Variants in DIP2C observed in about 807,000 individuals in gnomAD.
DIP2C encodes disco-interacting protein 2 homolog C.
DIP2C carries 33 observed loss-of-function variants against 192.4 expected under a neutral mutation model. The ratio of observed to expected loss-of-function variants is 0.17; its 90% CI spans 0.13 to 0.23. The LOEUF (loss-of-function observed/expected upper bound fraction) is 0.23. Among genes scored for constraint, DIP2C ranks in the 10% least tolerant of loss-of-function variants. DIP2C has a pLI of 1.00. For missense variants in DIP2C, 1,537 were observed against 2,110.1 expected (o/e 0.73, Z 5.32); for synonymous variants, 979 against 864.1 (o/e 1.13, Z -2.33).
In DIP2C at chr10:545,166, C is replaced by CCTTTTTTTT. The variant is rs1554896881; in HGVS notation, c.86-58637_86-58636insAAAAAAAAG. ...TGATCCAACATGACTGGTGTTTTCC[C>CCTTTTTTTT]TTTTTTTTTTTTTTTTTTTTTTTGA... is the stretch of plus-strand genomic sequence containing the variant. On this transcript the variant is annotated intron_variant, in intron 1 of 36. Coordinates refer to ENST00000280886, the MANE Select transcript of DIP2C (RefSeq NM_014974.3). Among the ~76,000 whole-genome samples the CCTTTTTTTT allele has an allele frequency of 8.6e-3, 741 of 86,376 alleles. 39 individuals are homozygous for CCTTTTTTTT. The highest frequency in any genetic ancestry group is 0.037 in the African/African-American group (649 of 17,622). 56.7% of individuals were successfully genotyped at this position (86,376 alleles called of 152,430 possible).
At chr10:359,795 G>T (rs1481565429) in intron 22 of DIP2C, among the ~76,000 whole-genome samples, 1 of 152,124 alleles carries the variant, frequency 6.6e-6, no homozygotes, top group Non-Finnish European at 1.5e-5. Flanking sequence ...ATCTTTAACA[G>T]ATTTTTTTTG....
chr10:651,502 G>A lies in DIP2C; in HGVS notation c.85+37992C>T, dbSNP rs572228562. The A allele has an allele frequency of 5.3e-5, 30 of 562,352 alleles. No homozygotes were observed. Among genetic ancestry groups the A allele is most frequent in the Middle Eastern group, 2.7e-4 (1 of 3,658 alleles). The allele number at this position is 562,352 out of a possible 1,614,324, so 34.8% of individuals were successfully genotyped here. ...AACAATTACAATTATATGAAAATCC[G>A]TATCCACGTGAAGGTATTATGCAAA... On this transcript the variant is annotated intron_variant, in intron 1 of 36. Transcript: ENST00000280886. The surrounding 1 kb of genome is among the most constrained non-coding windows in gnomAD (Gnocchi z 4.1).
At chr10:475,246 C>T (rs11252630) in intron 2 of DIP2C, among the ~76,000 whole-genome samples, 64,915 of 152,116 alleles carry the variant, frequency 0.43, 14,940 homozygotes, top group East Asian at 0.65. Context: ...CATGGCTGTC[C>T]GCCGTGTCTG....
intron 1 of DIP2C, among the ~76,000 whole-genome samples, chr10:686,322 G>T (rs1490081033): frequency 6.8e-6 from 1 of 146,722 alleles, no homozygotes; most frequent in Non-Finnish European, 1.5e-5. Flanking sequence ...CCACCTGCGG[G>T]GCCTCTCCAC....
intron 1 of DIP2C, among the ~76,000 whole-genome samples, chr10:608,990 A>G (rs1030360443): frequency 3.3e-5 from 5 of 152,012 alleles, no homozygotes; most frequent in South Asian, 2.1e-4. Flanking sequence ...AAAAATCCTA[A>G]TATCTACACA....
intron 1 of DIP2C, among the ~76,000 whole-genome samples, chr10:533,634 TAACA>T (rs2130870743): frequency 7.4e-6 from 1 of 134,912 alleles, no homozygotes; most frequent in African/African-American, 3.1e-5. Flanking sequence ...ATGCTCTTCC[TAACA>T]GAGATACCTA....
intron 1 of DIP2C, among the ~76,000 whole-genome samples, chr10:570,623 CCAGT>C (rs912022423): frequency 9.2e-4 from 140 of 152,340 alleles, no homozygotes; most frequent in African/African-American, 3.0e-3. Context: ...ACCCGACCTG[CCAGT>C]CACACAGGTC....
chr10:655,861 TTTC>T (rs1856261044), intron 1 of DIP2C, among the ~76,000 whole-genome samples: 1 of 151,962 alleles, frequency 6.6e-6, no homozygotes, highest in Admixed American at 6.6e-5. Context: ...AATGTTACAG[TTTC>T]TTCTATTCTA....
chr10:286,992 C>T (rs1282235358), intron 33 of DIP2C, among the ~76,000 whole-genome samples: 3 of 152,174 alleles, frequency 2.0e-5, no homozygotes, highest in South Asian at 2.1e-4. Flanking sequence ...TTCGTTAGAA[C>T]GTCCGTGTGG....
At chr10:329,731 G>C in intron 29 of DIP2C, 130 bp from the exon 30 acceptor site, 1 of 1,188,938 alleles carries the variant, frequency 8.4e-7, no homozygotes, top group Non-Finnish European at 1.2e-6. Flanking sequence ...GCCATCTGTA[G>C]AAGGGCACAG....
intron 1 of DIP2C, among the ~76,000 whole-genome samples, chr10:657,970 C>A (rs1329457310): frequency 3.9e-5 from 5 of 128,408 alleles, no homozygotes; most frequent in Non-Finnish European, 3.3e-5. Flanking sequence ...CCTGGACCTG[C>A]CGCTGGACCT....
intron 1 of DIP2C, among the ~76,000 whole-genome samples, chr10:661,183 G>T (rs551918397): frequency 6.6e-6 from 1 of 152,186 alleles, no homozygotes; most frequent in Admixed American, 6.5e-5. Flanking sequence ...TCTCTGGACC[G>T]CACCGAGTGG....
Position 591,660 on chromosome 10 carries a change from G to T in DIP2C, c.85+97834C>A, listed in dbSNP as rs989890825. 3.7e-4 allele frequency among the ~76,000 whole-genome samples: 57 copies of T among 152,140 alleles called. 1 individual carries two copies. Among genetic ancestry groups the T allele is most frequent in the African/African-American group, 1.3e-3 (55 of 41,434 alleles). On this transcript the variant is annotated intron_variant, in intron 1 of 36. Coordinates refer to ENST00000280886, the MANE Select transcript of DIP2C (RefSeq NM_014974.3). Reference sequence around the variant, plus strand: ...CTAAATACAACTTCCCTTTTCATCTGCCTGCCGGTGAGTTAGACACAAGGA... The same window carrying T: ...CTAAATACAACTTCCCTTTTCATCTTCCTGCCGGTGAGTTAGACACAAGGA...
At chr10:596,142 G>A (rs1001403454) in intron 1 of DIP2C, among the ~76,000 whole-genome samples, 1 of 152,162 alleles carries the variant, frequency 6.6e-6, no homozygotes, top group Non-Finnish European at 1.5e-5. Flanking sequence ...ATGAAAAGCT[G>A]AAAGGTCACA....
At chr10:335,671 G>A (rs371348956) in intron 29 of DIP2C, among the ~76,000 whole-genome samples, 4 of 152,218 alleles carry the variant, frequency 2.6e-5, no homozygotes, top group Admixed American at 6.5e-5. Context: ...GGAGTATCGC[G>A]GATGCGGCTC....
At chr10:631,640 T>A (rs1157552140) in intron 1 of DIP2C, among the ~76,000 whole-genome samples, 3 of 152,212 alleles carry the variant, frequency 2.0e-5, no homozygotes, top group Admixed American at 1.3e-4. Flanking sequence ...TATTTTTATA[T>A]AGAGACAAAT....
chr10:494,583 T>C (rs999883396), intron 1 of DIP2C, among the ~76,000 whole-genome samples: 2 of 152,144 alleles, frequency 1.3e-5, no homozygotes, highest in African/African-American at 2.4e-5. Flanking sequence ...ATATGCAGCA[T>C]GAGAAAGCAA....
chr10:619,537 G>GCCCACCCT (rs528029497), intron 1 of DIP2C, among the ~76,000 whole-genome samples: 21 of 51,384 alleles, frequency 4.1e-4, no homozygotes, highest in African/African-American at 1.0e-3. Flanking sequence ...AAGCCCGCCC[G>GCCCACCCT]CCCGCCCTCC....
chr10:365,206 G>C (rs1417237563), intron 19 of DIP2C, among the ~76,000 whole-genome samples: 1 of 152,150 alleles, frequency 6.6e-6, no homozygotes, highest in Non-Finnish European at 1.5e-5. Context: ...TCATAGACAG[G>C]TACTGTAACA....
Sources: allele counts gnomAD v4.1 joint callset (sites outside exome capture counted in the v4.1 genomes callset), GRCh38; gene constraint gnomAD v4.1.1; non-coding constraint Gnocchi (gnomAD v3.1); transcripts MANE v1.5; gene names NCBI Gene and HGNC (gene_info 2026-07-23, HGNC 2026-07-21).